Variants in ARMCX4 observed in about 807,000 individuals in gnomAD.
ARMCX4 encodes armadillo repeat-containing X-linked protein 4.
In ARMCX4, 3 loss-of-function variants were observed where a neutral mutation model predicts 34.7. That is an observed-to-expected ratio of 0.09 (90% CI 0.04 to 0.22). The LOEUF (loss-of-function observed/expected upper bound fraction) is 0.22. Ranked by LOEUF, ARMCX4 falls within the 10% of genes least tolerant of loss-of-function variation. The probability of loss-of-function intolerance (pLI) is 1.00; values close to 1 mark genes in which losing one functional copy is unlikely to be tolerated. For synonymous variants in ARMCX4, 513 were observed against 632.8 expected (o/e 0.81, Z 2.84); for missense variants, 1,448 against 1,720.8 (o/e 0.84, Z 2.81).
intron 1 of ARMCX4, among the ~76,000 whole-genome samples, chrX:101,418,548 G>A (rs1242027534): frequency 8.9e-6 from 1 of 112,367 alleles, no homozygotes; most frequent in Non-Finnish European, 1.9e-5. Flanking sequence ...GTGGGACCGG[G>A]CACAGGCCTA....
At chrX:101,479,956 A>G (rs1933367832) in intron 4 of ARMCX4, among the ~76,000 whole-genome samples, 1 of 111,007 alleles carries the variant, frequency 9.0e-6, no homozygotes, top group Non-Finnish European at 1.9e-5. Context: ...ACCATGTAAA[A>G]GTGTGATATT....
downstream of ARMCX4, among the ~76,000 whole-genome samples, chrX:101,533,835 T>C (rs1556022761): frequency 9.0e-6 from 1 of 111,294 alleles, no homozygotes; most frequent in Non-Finnish European, 1.9e-5. Context: ...GTTCTAGAAG[T>C]ACTAGTTAAT....
At position 101,444,067 on chromosome X, in the gene ARMCX4, A is replaced by G. The variant is rs944248891; in HGVS notation, n.180A>G. ...TTCTCTCCAGTGCTCAGAGCATGAAAATTTTCTGCTGTCTTTGGAACTTTG... is the reference window on the plus strand; with the variant it reads ...TTCTCTCCAGTGCTCAGAGCATGAAGATTTTCTGCTGTCTTTGGAACTTTG... On this transcript the variant is annotated non_coding_transcript_exon_variant, in exon 3 of 4. Coordinates refer to the ARMCX4 transcript ENST00000430461. 28 of 349,753 alleles carry G rather than the reference A, an allele frequency of 8.0e-5. No individual in the cohort carries two copies. The South Asian group carries it at 8.2e-4, about 10-fold the overall frequency. The allele number at this position is 349,753 out of a possible 1,213,427, so 28.8% of individuals were successfully genotyped here.
chrX:101,499,865 G>A (rs1333361691), downstream of ARMCX4, among the ~76,000 whole-genome samples: 13 of 111,892 alleles, frequency 1.2e-4, no homozygotes, highest in African/African-American at 4.2e-4. Context: ...AATGAAAGGT[G>A]TTCACAGGTT....
chrX:101,453,756 T>C lies in ARMCX4; in HGVS notation c.-473+7712T>C, dbSNP rs1360207319. Among the ~76,000 whole-genome samples, 9 of 109,985 alleles carry C rather than the reference T, an allele frequency of 8.2e-5. No homozygotes were observed. In the Admixed American group the frequency reaches 8.9e-4, roughly 11 times the overall value. ...GTGGATTTGCTATGCCAAATCCACA[T>C]AGCAGAGTGGAAATCTGCTATGCCA... On this transcript the variant is annotated intron_variant and NMD_transcript_variant, in intron 4 of 15. Transcript: ENST00000433011.
rs879973298 is a variant in ARMCX4 at position 101,488,117 on chromosome X, G to A, written c.-147+18G>A. On this transcript the variant is annotated intron_variant, in intron 5 of 5. Coordinates refer to ENST00000423738, the MANE Select transcript of ARMCX4 (RefSeq NM_001256155.3). ...CATTACAGGTTGGTATGAGGGTGGG[G>A]CCCTGTAGACAGGTGACCAGAGTAG... The A allele has an allele frequency of 5.2e-5, 40 of 768,302 alleles. No homozygotes were observed. In the East Asian group the frequency reaches 2.9e-3, roughly 55 times the overall value. 63.3% of individuals were successfully genotyped at this position (768,302 alleles called of 1,213,427 possible). A position where few individuals can be genotyped will look rare whatever the true frequency, so the allele number is the denominator to read the frequency against.
intron 7 of ARMCX4, among the ~76,000 whole-genome samples, chrX:101,504,624 G>C (rs951821794): frequency 2.4e-4 from 27 of 110,946 alleles, no homozygotes; most frequent in Non-Finnish European, 4.9e-4. Context: ...AGTCAGTTCT[G>C]GGTCTGACTC....
intron 8 of ARMCX4, among the ~76,000 whole-genome samples, chrX:101,507,360 A>G (rs1934476130): frequency 1.8e-5 from 2 of 111,778 alleles, no homozygotes; most frequent in Admixed American, 9.6e-5. Context: ...TAAGATTTCT[A>G]TGAGGATTAA....
At chrX:101,432,029 G>C (rs1193899009) in intron 2 of ARMCX4, among the ~76,000 whole-genome samples, 2 of 112,384 alleles carry the variant, frequency 1.8e-5, no homozygotes, top group Non-Finnish European at 3.8e-5. Flanking sequence ...TTTTCCTCCA[G>C]CTTTTCAACA....
At chrX:101,463,426 G>A (rs2147610458) in intron 4 of ARMCX4, among the ~76,000 whole-genome samples, 1 of 112,074 alleles carries the variant, frequency 8.9e-6, no homozygotes, top group South Asian at 3.7e-4. Context: ...AGGGACTCTT[G>A]TCTTTTTTGT....
Position 101,493,534 on chromosome X carries a change from G to T in ARMCX4, c.4945G>T (p.Gly1649Trp). The T allele has an allele frequency of 1.7e-6, 2 of 1,155,080 alleles. No homozygotes were observed. Among genetic ancestry groups the T allele is most frequent in the Non-Finnish European group, 2.3e-6 (2 of 872,390 alleles). Residue 1649 changes from glycine (G) to tryptophan (W), a missense_variant, in exon 6 of 6, where the codon GGG becomes TGG. By Grantham distance (184) the Gly-to-Trp change is radical. Coordinates refer to ENST00000423738, the MANE Select transcript of ARMCX4 (RefSeq NM_001256155.3). ...GNQSSGRSWI[G>W]PGDQAVDCSK... ...TCAGTCCAGTGGAAGGTCCTGGATT[G>T]GGCCTGGGGATCAGGCTGTTGACTG...
chrX:101,506,135 G>A (rs1413820771), intron 8 of ARMCX4, among the ~76,000 whole-genome samples: 1 of 111,861 alleles, frequency 8.9e-6, no homozygotes, highest in Non-Finnish European at 1.9e-5. Flanking sequence ...GAGCCACCAC[G>A]CCCCGCCCAG....
At chrX:101,434,883 C>T (rs1173357080) in intron 2 of ARMCX4, among the ~76,000 whole-genome samples, 6 of 106,639 alleles carry the variant, frequency 5.6e-5, no homozygotes, top group Non-Finnish European at 9.6e-5. Flanking sequence ...TGAGAACATG[C>T]GGCGTTTGGT....
chrX:101,464,048 G>A (rs942082006), intron 4 of ARMCX4, among the ~76,000 whole-genome samples: 3 of 109,513 alleles, frequency 2.7e-5, no homozygotes, highest in East Asian at 6.1e-4. Context: ...GTGAGCCACC[G>A]CGCCCAGCCT....
chrX:101,466,154 T>A (rs781907091), intron 4 of ARMCX4, among the ~76,000 whole-genome samples: 72 of 112,120 alleles, frequency 6.4e-4, no homozygotes, highest in African/African-American at 2.2e-3. Flanking sequence ...CACAATTCGA[T>A]ATTAAGAAAA....
upstream of ARMCX4, among the ~76,000 whole-genome samples, chrX:101,483,411 G>T: frequency 9.0e-6 from 1 of 111,568 alleles, no homozygotes; most frequent in Non-Finnish European, 1.9e-5. Context: ...ACAGAGTAGA[G>T]GAGTGCCCAT....
At chrX:101,426,097 A>G (rs1929606920) in intron 2 of ARMCX4, among the ~76,000 whole-genome samples, 1 of 111,673 alleles carries the variant, frequency 9.0e-6, no homozygotes. Flanking sequence ...TGCTGGGATT[A>G]CAGTCTTGAG....
At position 101,427,216 on chromosome X, in the gene ARMCX4, C is replaced by T. The variant is rs781788951; in HGVS notation, n.164+8216C>T. Among the ~76,000 whole-genome samples, 47 of 112,267 alleles carry T rather than the reference C, an allele frequency of 4.2e-4. 1 individual carries two copies. The South Asian group carries it at 0.016, about 39-fold the overall frequency. On this transcript the variant is annotated intron_variant and non_coding_transcript_variant, in intron 2 of 3. Transcript: ENST00000430461. ...TCAGTGTTTTTAAAATCTACTATAG[C>T]TAAACATGTTTACTTTGTGTCTTAG... is the stretch of plus-strand genomic sequence containing the variant.
At chrX:101,434,135 G>A (rs1240048367) in intron 2 of ARMCX4, among the ~76,000 whole-genome samples, 1 of 109,737 alleles carries the variant, frequency 9.1e-6, no homozygotes, top group Non-Finnish European at 1.9e-5. Context: ...TAGTAGAGAC[G>A]TGGGTCTCAC....
Sources: gnomAD v4.1 joint callset for allele counts (sites outside exome capture counted in the v4.1 genomes callset) on GRCh38, gnomAD v4.1.1 for gene constraint, MANE v1.5 for transcripts, NCBI Gene and HGNC (gene_info 2026-07-23, HGNC 2026-07-21) for gene names.